Variants in CADPS observed in about 807,000 individuals in gnomAD.
CADPS encodes the protein calcium-dependent secretion activator 1.
CADPS carries 57 observed loss-of-function variants against 167.3 expected under a neutral mutation model. That is an observed-to-expected ratio of 0.34 (90% CI 0.28 to 0.42). CADPS has a LOEUF of 0.42. Among genes scored for constraint, CADPS ranks in the 20% least tolerant of loss-of-function variants. CADPS has a pLI of 1.00. For synonymous variants in CADPS, 676 were observed against 635.3 expected (o/e 1.06, Z -0.96); for missense variants, 1,414 against 1,738.1 (o/e 0.81, Z 3.32).
intron 1 of CADPS, among the ~76,000 whole-genome samples, chr3:62,843,091 T>C (rs560758330): frequency 2.6e-5 from 4 of 152,312 alleles, no homozygotes; most frequent in African/African-American, 7.2e-5. Flanking sequence ...TATGTTTCAC[T>C]GGATAATTAA....
chr3:62,729,196 G>A lies in CADPS; in HGVS notation c.888+24245C>T, dbSNP rs1032867791. 1.4e-4 allele frequency among the ~76,000 whole-genome samples: 22 copies of A among 151,764 alleles called. 1 individual carries two copies. The highest frequency in any genetic ancestry group is 5.4e-4 in the African/African-American group (22 of 41,096). ...TGTCAGTTTTCTTAGGACCCAAATT[G>A]ATGCGGAGCCATTGCTCTCTCTCAA... On this transcript the variant is annotated intron_variant, in intron 3 of 29. Transcript: ENST00000383710.
intron 1 of CADPS, among the ~76,000 whole-genome samples, chr3:62,794,036 C>T (rs1367924953): frequency 4.6e-5 from 7 of 152,112 alleles, no homozygotes; most frequent in African/African-American, 1.7e-4. Context: ...AATATACACT[C>T]AAAATCTGCC....
Position 62,417,276 on chromosome 3 carries a change from C to CTTTTTTTTT in CADPS, c.3778-14100_3778-14092dup, listed in dbSNP as rs11353455. Among the ~76,000 whole-genome samples the CTTTTTTTTT allele has an allele frequency of 5.6e-3, 359 of 64,084 alleles. 94 individuals carry two copies. Among genetic ancestry groups the CTTTTTTTTT allele is most frequent in the East Asian group, 7.0e-3 (13 of 1,850 alleles). 42.0% of individuals were successfully genotyped at this position (64,084 alleles called of 152,430 possible). Reference sequence around the variant, plus strand: ...ACACAATAACTATTTTTCTTTTACTCTTTTTTTTTTTTTTTTTTTTTTTTT... The same window carrying CTTTTTTTTT: ...ACACAATAACTATTTTTCTTTTACTCTTTTTTTTTTTTTTTTTTTTTTTTTTTTTTTTTT... On this transcript the variant is annotated intron_variant, in intron 28 of 29. Coordinates refer to ENST00000383710, the MANE Select transcript of CADPS (RefSeq NM_003716.4).
chr3:62,591,513 T>A (rs2086024364), intron 7 of CADPS, among the ~76,000 whole-genome samples: 1 of 151,968 alleles, frequency 6.6e-6, no homozygotes, highest in South Asian at 2.1e-4. Context: ...GGGATTGAAA[T>A]TTGGCCAATG....
At chr3:62,788,399 G>A (rs1219976728) in intron 1 of CADPS, among the ~76,000 whole-genome samples, 5 of 152,120 alleles carry the variant, frequency 3.3e-5, no homozygotes, top group African/African-American at 9.7e-5. Flanking sequence ...AGAAAAGCAC[G>A]CACTTCACCA....
chr3:62,674,953 A>G (rs2076124530), intron 3 of CADPS, among the ~76,000 whole-genome samples: 1 of 152,224 alleles, frequency 6.6e-6, no homozygotes, highest in Non-Finnish European at 1.5e-5. Flanking sequence ...AAATAAATTT[A>G]AAAAGGAAAA....
chr3:62,654,736 C>G (rs542400136), intron 4 of CADPS, among the ~76,000 whole-genome samples: 1 of 152,012 alleles, frequency 6.6e-6, no homozygotes, highest in African/African-American at 2.4e-5. Context: ...ATACTGGGGC[C>G]AAAACCTCAG....
intron 21 of CADPS, among the ~76,000 whole-genome samples, chr3:62,489,869 A>G (rs900837671): frequency 3.3e-5 from 5 of 152,220 alleles, no homozygotes; most frequent in Admixed American, 6.5e-5. Context: ...TCAATAATTT[A>G]CCATCAAGGG....
At chr3:62,545,650 C>T (rs2076344442) in intron 11 of CADPS, among the ~76,000 whole-genome samples, 2 of 151,948 alleles carry the variant, frequency 1.3e-5, no homozygotes, top group Admixed American at 1.3e-4. Flanking sequence ...ACATAAATAC[C>T]CCACTCCACT....
intron 3 of CADPS, among the ~76,000 whole-genome samples, chr3:62,751,344 T>C (rs2082659456): frequency 6.6e-6 from 1 of 152,252 alleles, no homozygotes; most frequent in African/African-American, 2.4e-5. Context: ...CCCTAATTTC[T>C]ATTGATATGA....
chr3:62,495,979 C>T (rs1010343443), intron 18 of CADPS, among the ~76,000 whole-genome samples: 1 of 151,996 alleles, frequency 6.6e-6, no homozygotes, highest in Non-Finnish European at 1.5e-5. Context: ...GGCAAGCCTA[C>T]TAGTCACTTT....
chr3:62,723,011 C>A (rs1163835835), intron 3 of CADPS, among the ~76,000 whole-genome samples: 1 of 152,158 alleles, frequency 6.6e-6, no homozygotes, highest in Non-Finnish European at 1.5e-5. Context: ...ACTGATCTAG[C>A]AGCTAATTTT....
chr3:62,576,627 C>G (rs2082314719), intron 8 of CADPS, among the ~76,000 whole-genome samples: 1 of 16,158 alleles, frequency 6.2e-5, no homozygotes, highest in Admixed American at 9.1e-4. Flanking sequence ...CCCATTTCTA[C>G]TGAAAAAAAA....
chr3:62,780,312 G>A (rs116423929), intron 1 of CADPS, among the ~76,000 whole-genome samples: 14 of 152,254 alleles, frequency 9.2e-5, no homozygotes, highest in Admixed American at 1.3e-4. Context: ...CAGCTACTTC[G>A]GAGGCTGAGA....
At chr3:62,569,486 C>A (rs2080903060) in intron 9 of CADPS, among the ~76,000 whole-genome samples, 1 of 152,184 alleles carries the variant, frequency 6.6e-6, no homozygotes, top group African/African-American at 2.4e-5. Flanking sequence ...TACCCTACAA[C>A]AATACTGAAA....
chr3:62,634,396 T>C (rs754424696), intron 6 of CADPS, among the ~76,000 whole-genome samples: 46 of 152,210 alleles, frequency 3.0e-4, no homozygotes, highest in Non-Finnish European at 5.1e-4. Flanking sequence ...TACATATTTG[T>C]ACATATTTTT....
intron 4 of CADPS, among the ~76,000 whole-genome samples, chr3:62,655,754 C>T (rs538757153): frequency 6.6e-6 from 1 of 152,120 alleles, no homozygotes; most frequent in Non-Finnish European, 1.5e-5. Context: ...AGGGCCGGTG[C>T]TAGACACTGG....
chr3:62,596,314 G>A (rs2058933987), intron 6 of CADPS, among the ~76,000 whole-genome samples: 1 of 151,582 alleles, frequency 6.6e-6, no homozygotes, highest in Non-Finnish European at 1.5e-5. Context: ...TCCTGCCTCA[G>A]CCTCCCAAGT....
chr3:62,464,914 T>A (rs896561296), intron 26 of CADPS, among the ~76,000 whole-genome samples: 1 of 152,164 alleles, frequency 6.6e-6, no homozygotes, highest in Non-Finnish European at 1.5e-5. Flanking sequence ...GATTTTTAAA[T>A]GTAGGCAATT....
Sources: allele counts gnomAD v4.1 joint callset (sites outside exome capture counted in the v4.1 genomes callset), GRCh38; gene constraint gnomAD v4.1.1; transcripts MANE v1.5; gene names NCBI Gene and HGNC (gene_info 2026-07-23, HGNC 2026-07-21).